Variants in LCLAT1 observed in about 807,000 individuals in gnomAD.
LCLAT1 encodes the protein lysocardiolipin acyltransferase 1.
A neutral mutation model predicts 30.7 loss-of-function variants in LCLAT1; 11 were observed. The ratio of observed to expected loss-of-function variants is 0.36; its 90% CI spans 0.23 to 0.59. The LOEUF is 0.59. LCLAT1 is among the 20% of genes least tolerant of loss of function. The probability of loss-of-function intolerance (pLI) is 0.77; values close to 1 mark genes in which losing one functional copy is unlikely to be tolerated. For synonymous variants in LCLAT1, 155 were observed against 151.3 expected (o/e 1.02, Z -0.18); for missense variants, 402 against 458.6 (o/e 0.88, Z 1.13).
intron 5 of LCLAT1, among the ~76,000 whole-genome samples, chr2:30,571,494 T>G (rs1425785470): frequency 6.6e-3 from 999 of 152,330 alleles, no homozygotes; most frequent in African/African-American, 0.023. Flanking sequence ...ATTTCTTAGA[T>G]TTTTGCTTAC....
chr2:30,494,248 A>G (rs1683984456), intron 1 of LCLAT1, among the ~76,000 whole-genome samples: 1 of 151,954 alleles, frequency 6.6e-6, no homozygotes, highest in Non-Finnish European at 1.5e-5. Flanking sequence ...AAAGACCAAA[A>G]CCAAAAACAA....
At chr2:30,460,327 C>T (rs552634020) in intron 1 of LCLAT1, among the ~76,000 whole-genome samples, 42 of 152,316 alleles carry the variant, frequency 2.8e-4, no homozygotes, top group Admixed American at 2.4e-3. Context: ...TTCTCAATCC[C>T]ATATTCAGTT....
chr2:30,579,638 G>A (rs1287105408), intron 5 of LCLAT1, among the ~76,000 whole-genome samples: 1 of 152,084 alleles, frequency 6.6e-6, no homozygotes, highest in Non-Finnish European at 1.5e-5. Context: ...TAAAGAAATT[G>A]GGAGAGTGTA....
chr2:30,478,871 T>C (rs912794171), intron 1 of LCLAT1, among the ~76,000 whole-genome samples: 1 of 152,220 alleles, frequency 6.6e-6, no homozygotes, highest in African/African-American at 2.4e-5. Flanking sequence ...AAGATTCAGA[T>C]GGACTTGCTG....
chr2:30,467,244 C>G (rs1682490304), intron 1 of LCLAT1, among the ~76,000 whole-genome samples: 1 of 152,196 alleles, frequency 6.6e-6, no homozygotes, highest in Non-Finnish European at 1.5e-5. Context: ...CCAGCTTCAT[C>G]CATGTCCCTA....
intron 5 of LCLAT1, among the ~76,000 whole-genome samples, chr2:30,605,337 A>G (rs1464810788): frequency 1.3e-5 from 2 of 152,344 alleles, no homozygotes; most frequent in East Asian, 1.9e-4. Context: ...GGAAGCTGCA[A>G]TCAGTGAGTA....
chr2:30,628,505 G>A (rs1668617394), intron 5 of LCLAT1, among the ~76,000 whole-genome samples: 2 of 152,114 alleles, frequency 1.3e-5, no homozygotes, highest in South Asian at 4.1e-4. Context: ...AGAACACAGA[G>A]GCACACTTGC....
chr2:30,552,855 G>A (rs1465765955), intron 3 of LCLAT1, among the ~76,000 whole-genome samples: 1 of 152,088 alleles, frequency 6.6e-6, no homozygotes, highest in East Asian at 1.9e-4. Flanking sequence ...TATAAAATTT[G>A]CATCTGTTCC....
intron 1 of LCLAT1, among the ~76,000 whole-genome samples, chr2:30,485,055 C>G (rs975468628): frequency 6.6e-6 from 1 of 152,110 alleles, no homozygotes; most frequent in African/African-American, 2.4e-5. Context: ...CTATATGGTA[C>G]TAATACTGGT....
intron 5 of LCLAT1, among the ~76,000 whole-genome samples, chr2:30,582,810 T>TA (rs2148467989): frequency 6.6e-6 from 1 of 152,328 alleles, no homozygotes; most frequent in South Asian, 2.1e-4. Context: ...AGGCAGCAAT[T>TA]ACAGAAAATG....
chr2:30,487,696 A>C (rs1475110928), intron 1 of LCLAT1, among the ~76,000 whole-genome samples: 3 of 152,188 alleles, frequency 2.0e-5, no homozygotes, highest in African/African-American at 7.2e-5. Flanking sequence ...GGTGGAGTTG[A>C]AGTGTGTTAC....
chr2:30,537,655 T>C (rs1463621442), intron 3 of LCLAT1, among the ~76,000 whole-genome samples: 1 of 152,080 alleles, frequency 6.6e-6, no homozygotes, highest in Non-Finnish European at 1.5e-5. Context: ...AGCACCTCAC[T>C]CTCAGCAACA....
chr2:30,604,481 T>G (rs1667334704), intron 5 of LCLAT1, among the ~76,000 whole-genome samples: 1 of 152,106 alleles, frequency 6.6e-6, no homozygotes, highest in Non-Finnish European at 1.5e-5. Flanking sequence ...TGAATGAGTA[T>G]GTGTTCCAAT....
At chr2:30,598,672 G>C (rs1477720016) in intron 5 of LCLAT1, among the ~76,000 whole-genome samples, 1 of 151,750 alleles carries the variant, frequency 6.6e-6, no homozygotes, top group Non-Finnish European at 1.5e-5. Flanking sequence ...CTCTGATCTT[G>C]GCTATTTCTT....
At chr2:30,628,142 G>A (rs1668605334) in intron 5 of LCLAT1, among the ~76,000 whole-genome samples, 1 of 152,132 alleles carries the variant, frequency 6.6e-6, no homozygotes, top group African/African-American at 2.4e-5. Flanking sequence ...AACACATGTT[G>A]TATTCACAAT....
chr2:30,516,256 A>T (rs1292357279), intron 1 of LCLAT1, among the ~76,000 whole-genome samples: 1 of 152,144 alleles, frequency 6.6e-6, no homozygotes, highest in South Asian at 2.1e-4. Context: ...TTTTCACTCT[A>T]TTAAATCTTG....
At chr2:30,586,575 A>G (rs1043448694) in intron 5 of LCLAT1, among the ~76,000 whole-genome samples, 1 of 152,206 alleles carries the variant, frequency 6.6e-6, no homozygotes, top group African/African-American at 2.4e-5. Context: ...TGCAGATGTA[A>G]AGTCACATTC....
chr2:30,464,759 A>G (rs1417571817), intron 1 of LCLAT1, among the ~76,000 whole-genome samples: 2 of 152,242 alleles, frequency 1.3e-5, no homozygotes, highest in African/African-American at 4.8e-5. Context: ...TGCAGTGTCT[A>G]GGGTCAGAAG....
chr2:30,600,896 T>TC (rs1667150583), intron 5 of LCLAT1, among the ~76,000 whole-genome samples: 1 of 152,184 alleles, frequency 6.6e-6, no homozygotes. Context: ...TTGGTTCCAT[T>TC]CTCCCTGTCT....
Sources: allele counts gnomAD v4.1 joint callset (sites outside exome capture counted in the v4.1 genomes callset), GRCh38; gene constraint gnomAD v4.1.1; transcripts MANE v1.5; gene names NCBI Gene and HGNC (gene_info 2026-07-23, HGNC 2026-07-21).